Variants in GJB2 observed in about 807,000 individuals in gnomAD.
The protein encoded by GJB2 is gap junction protein beta 2.
In GJB2, 30 loss-of-function variants were observed where a neutral mutation model predicts 16.0. The ratio of observed to expected loss-of-function variants is 1.88; its 90% confidence interval spans 1.41 to 2.55. The LOEUF (loss-of-function observed/expected upper bound fraction) is 2.55. Among genes scored for constraint, GJB2 ranks in the 30% most tolerant of loss-of-function variants. GJB2 has a pLI of 0.00. For synonymous variants in GJB2, 123 were observed against 119.1 expected, an observed-to-expected ratio of 1.03 and a Z score of -0.21; for missense variants, 284 against 289.7, an observed-to-expected ratio of 0.98 and a Z score of 0.14.
rs373684994 is a variant in GJB2 at position 20,189,107 on chromosome 13, C to T, written c.475G>A (p.Asp159Asn). The T allele has an allele frequency of 4.8e-5, 77 of 1,614,000 alleles. No individual in the cohort carries two copies. The highest frequency in any genetic ancestry group is 5.9e-5 in the Non-Finnish European group (70 of 1,180,046). Residue 159 changes from aspartate (D) to asparagine (N), a missense_variant, in exon 2 of 2, where the codon GAC becomes AAC. Asp to Asn is a conservative substitution (Grantham distance 23, BLOSUM62 1). Transcript: ENST00000382848. Reference protein sequence around the residue: ...AFMYVFYVMYDGFSMQRLVKC... With the variant: ...AFMYVFYVMYNGFSMQRLVKC... ...ACCAGCCGCTGCATGGAGAAGCCGTCGTACATGACATAGAAGACGTACATG... is the reference window on the plus strand; with the variant it reads ...ACCAGCCGCTGCATGGAGAAGCCGTTGTACATGACATAGAAGACGTACATG...
rs891851629 is a variant in GJB2 at position 20,187,559 on chromosome 13, T to G, written c.*1342A>C. ...ACAAGCATATCATTAAAGCTATTCT[T>G]TATTATTACAAAATGCTTTTACAAT... On this transcript the variant is annotated 3_prime_UTR_variant, in exon 2 of 2. Coordinates refer to ENST00000382848, the MANE Select transcript of GJB2 (RefSeq NM_004004.6). 1.3e-5 allele frequency: 2 copies of G among 152,196 alleles called. No homozygotes were observed. Among genetic ancestry groups the G allele is most frequent in the African/African-American group, 4.8e-5 (2 of 41,446 alleles). The allele number at this position is 152,196 out of a possible 1,614,324, so 9.4% of individuals were successfully genotyped here.
chr13:20,191,467 A>G (rs527450852), intron 1 of GJB2, among the ~76,000 whole-genome samples: 1 of 152,144 alleles, frequency 6.6e-6, no homozygotes, highest in Non-Finnish European at 1.5e-5. Context: ...GAAACCCTAT[A>G]TTGTTATTTT....
chr13:20,192,117 C>A lies in GJB2; in HGVS notation c.-23+666G>T, dbSNP rs140129661. 3.9e-5 allele frequency among the ~76,000 whole-genome samples: 6 copies of A among 152,328 alleles called. No homozygotes were observed. The East Asian group carries it at 1.2e-3, about 29-fold the overall frequency. On this transcript the variant is annotated intron_variant, in intron 1 of 1. Transcript: ENST00000382848. ...TGAGGACGCGGGTCTCAGCCGCACA[C>A]CACCTCTTCGCGAACAAGGGTCCTA...
At position 20,189,286 on chromosome 13, in the gene GJB2, C is replaced by T. The variant is rs1959059609; in HGVS notation, c.296G>A (p.Arg99Lys). ...GATGAACTTCCTCTTCTTCTCATGT[C>T]TCCGGTAGGCCACGTGCATGGCCAC... ...LLVAMHVAYR[R>K]HEKKRKFIKG... is the part of the protein sequence containing the mutation. Residue 99 changes from arginine (R) to lysine (K), a missense_variant, in exon 2 of 2, where the codon AGA becomes AAA. Transcript: ENST00000382848. 1 of 1,613,966 alleles carries T rather than the reference C, an allele frequency of 6.2e-7. No individual in the cohort carries two copies. Among genetic ancestry groups the T allele is most frequent in the Non-Finnish European group, 8.5e-7 (1 of 1,180,040 alleles).
Position 20,187,779 on chromosome 13 carries a change from A to C in GJB2, c.*1122T>G, listed in dbSNP as rs1191224133. 1.3e-5 allele frequency: 2 copies of C among 152,234 alleles called. No individual in the cohort carries two copies. Among genetic ancestry groups the C allele is most frequent in the Non-Finnish European group, 2.9e-5 (2 of 68,042 alleles). The allele number at this position is 152,234 out of a possible 1,614,324, so 9.4% of individuals were successfully genotyped here. ...TTTTCACTTAAAAAATTGGAGGCTG[A>C]AGGGGTAAGCAAACAAACTTTTGAA... On this transcript the variant is annotated 3_prime_UTR_variant, in exon 2 of 2. Transcript: ENST00000382848.
intron 1 of GJB2, chr13:20,189,889 T>C (rs1959066486): frequency 4.5e-6 from 2 of 441,354 alleles, no homozygotes; most frequent in Non-Finnish European, 8.4e-6. Flanking sequence ...AAAAATTTGC[T>C]GTGCTGGGGA....
chr13:20,187,569 A>G lies in GJB2; in HGVS notation c.*1332T>C, dbSNP rs966209198. 5.3e-5 allele frequency: 8 copies of G among 152,308 alleles called. No homozygotes were observed. The highest frequency in any genetic ancestry group is 2.1e-4 in the South Asian group (1 of 4,828). The allele number at this position is 152,308 out of a possible 1,614,324, so 9.4% of individuals were successfully genotyped here. On this transcript the variant is annotated 3_prime_UTR_variant, in exon 2 of 2. Transcript: ENST00000382848. ...CATTAAAGCTATTCTTTATTATTAC[A>G]AAATGCTTTTACAATGCTATTCTTG...
chr13:20,188,651 G>T lies in GJB2; in HGVS notation c.*250C>A. On this transcript the variant is annotated 3_prime_UTR_variant, in exon 2 of 2. Transcript: ENST00000382848. ...ACCCCTAACAGCCTGGGGTCTCAGT[G>T]GAACTAACTTAAGTGAAAGAAAATT... 1 of 555,102 alleles carries T rather than the reference G, an allele frequency of 1.8e-6. No homozygotes were observed. The highest frequency in any genetic ancestry group is 3.2e-6 in the Non-Finnish European group (1 of 311,782). 34.4% of individuals were successfully genotyped at this position (555,102 alleles called of 1,614,324 possible).
chr13:20,189,782 T>C (rs1482935225), intron 1 of GJB2, 179 bp from the exon 2 acceptor site: 2 of 647,614 alleles, frequency 3.1e-6, no homozygotes, highest in African/African-American at 3.6e-5. Flanking sequence ...GGATTAAATG[T>C]ATAGTTCCCA....
chr13:20,189,647 A>G, intron 1 of GJB2, 44 bp from the exon 2 acceptor site: 1 of 1,421,366 alleles, frequency 7.0e-7, no homozygotes, highest in Non-Finnish European at 9.9e-7. Context: ...ACTAGCTAGG[A>G]CAGAACAGGG....
Position 20,187,890 on chromosome 13 carries a change from T to A in GJB2, c.*1011A>T, listed in dbSNP as rs901989526. ...TAACGACAGAAACTTCTCCCTCCCCTGCCCCATTTTGTCCTCCCCATTAAA... is the reference window on the plus strand; with the variant it reads ...TAACGACAGAAACTTCTCCCTCCCCAGCCCCATTTTGTCCTCCCCATTAAA... On this transcript the variant is annotated 3_prime_UTR_variant, in exon 2 of 2. Transcript: ENST00000382848. The A allele has an allele frequency of 2.0e-5, 3 of 152,184 alleles. No individual in the cohort carries two copies. The highest frequency in any genetic ancestry group is 4.4e-5 in the Non-Finnish European group (3 of 68,024). The allele number at this position is 152,184 out of a possible 1,614,324, so 9.4% of individuals were successfully genotyped here.
At chr13:20,192,056 C>T (rs1357034007) in intron 1 of GJB2, among the ~76,000 whole-genome samples, 1 of 152,218 alleles carries the variant, frequency 6.6e-6, no homozygotes, top group Admixed American at 6.5e-5. Flanking sequence ...CTTCCTCCTC[C>T]AGTGGGGCAG....
Position 20,188,510 on chromosome 13 carries a change from G to A in GJB2, c.*391C>T, listed in dbSNP as rs1258892221. On this transcript the variant is annotated 3_prime_UTR_variant, in exon 2 of 2. Coordinates refer to ENST00000382848, the MANE Select transcript of GJB2 (RefSeq NM_004004.6). Reference sequence around the variant, plus strand: ...AAGTTGGCAAAAAGAACCCCAGGAGGACACCCAAACCTTCTCTGTGTCCTC... The same window carrying A: ...AAGTTGGCAAAAAGAACCCCAGGAGAACACCCAAACCTTCTCTGTGTCCTC... 1.1e-5 allele frequency: 2 copies of A among 184,992 alleles called. No homozygotes were observed. Among genetic ancestry groups the A allele is most frequent in the East Asian group, 1.4e-4 (1 of 6,910 alleles). 11.5% of individuals were successfully genotyped at this position (184,992 alleles called of 1,614,324 possible). A position where few individuals can be genotyped will look rare whatever the true frequency, so the allele number is the denominator to read the frequency against.
rs1959048723 is a variant in GJB2, at chr13:20,187,912, T to C, written c.*989A>G. ...CCCTGCCCCATTTTGTCCTCCCCAT[T>C]AAATGGTACTGTGTCAATAAAATTC... On this transcript the variant is annotated 3_prime_UTR_variant, in exon 2 of 2. Coordinates refer to ENST00000382848, the MANE Select transcript of GJB2 (RefSeq NM_004004.6). 6.6e-6 allele frequency: 1 copy of C among 152,202 alleles called. No individual in the cohort carries two copies. Among genetic ancestry groups the C allele is most frequent in the Admixed American group, 6.5e-5 (1 of 15,276 alleles). The allele number at this position is 152,202 out of a possible 1,614,324, so 9.4% of individuals were successfully genotyped here.
chr13:20,188,935 C>A lies in GJB2; in HGVS notation c.647G>T (p.Arg216Ile), dbSNP rs767233008. The A allele has an allele frequency of 1.8e-5, 29 of 1,613,576 alleles. No homozygotes were observed. The highest frequency in any genetic ancestry group is 2.0e-5 in the Non-Finnish European group (24 of 1,179,988). Residue 216 changes from arginine to isoleucine, a missense_variant, in exon 2 of 2, where the codon AGA becomes ATA. Arg to Ile is a moderately conservative substitution (Grantham distance 97). Transcript: ENST00000382848. ...NVTELCYLLI[R>I]YCSGKSKKPV is the part of the protein sequence containing the mutation. ...CTTTTTTGACTTCCCAGAACAATAT[C>A]TAATTAGCAAATAACACAATTCAGT...
At position 20,188,899 on chromosome 13, in the gene GJB2, C is replaced by A; in HGVS notation, c.*2G>T. ...TTCTTAATCTAACAACTGGGCAATG[C>A]GTTAAACTGGCTTTTTTGACTTCCC... On this transcript the variant is annotated 3_prime_UTR_variant, in exon 2 of 2. Transcript: ENST00000382848. 6.2e-7 allele frequency: 1 copy of A among 1,609,976 alleles called. No individual in the cohort carries two copies. Among genetic ancestry groups the A allele is most frequent in the South Asian group, 1.1e-5 (1 of 91,020 alleles).
At chr13:20,191,943 A>T (rs1959078804) in intron 1 of GJB2, among the ~76,000 whole-genome samples, 1 of 152,210 alleles carries the variant, frequency 6.6e-6, no homozygotes, top group African/African-American at 2.4e-5. Context: ...CTAAGGTCAC[A>T]TGGGGACACG....
Position 20,188,995 on chromosome 13 carries a change from A to G in GJB2, c.587T>C (p.Ile196Thr), listed in dbSNP as rs765172751. Residue 196 changes from isoleucine (I) to threonine (T), a missense_variant, in exon 2 of 2, where the codon ATT (isoleucine) becomes ACT (threonine). Transcript: ENST00000382848. ...CAGGATGCAAATTCCAGACACTGCAATCATGAACACTGTGAAGACAGTCTT... is the reference window on the plus strand; with the variant it reads ...CAGGATGCAAATTCCAGACACTGCAGTCATGAACACTGTGAAGACAGTCTT... ...TEKTVFTVFM[I>T]AVSGICILLN... is the part of the protein sequence containing the mutation. The G allele has an allele frequency of 1.3e-5, 21 of 1,613,910 alleles. No individual in the cohort carries two copies. The Admixed American group carries it at 2.3e-4, about 18-fold the overall frequency.
In GJB2 at chr13:20,188,904, A is replaced by C; in HGVS notation, c.678T>G (p.Val226=). 1.9e-6 allele frequency: 3 copies of C among 1,612,510 alleles called. No homozygotes were observed. Among genetic ancestry groups the C allele is most frequent in the Non-Finnish European group, 2.5e-6 (3 of 1,179,394 alleles). Residue 226 remains valine, a synonymous_variant, in exon 2 of 2, where the codon GTT becomes GTG. Transcript: ENST00000382848. ...RYCSGKSKKP[V] Reference sequence around the variant, plus strand: ...AATCTAACAACTGGGCAATGCGTTAAACTGGCTTTTTTGACTTCCCAGAAC... The same window carrying C: ...AATCTAACAACTGGGCAATGCGTTACACTGGCTTTTTTGACTTCCCAGAAC...
Sources: allele counts gnomAD v4.1 joint callset (sites outside exome capture counted in the v4.1 genomes callset), GRCh38; gene constraint gnomAD v4.1.1; transcripts MANE v1.5; gene names NCBI Gene and HGNC (gene_info 2026-07-23, HGNC 2026-07-21).